The following TCF12 variants were observed in gnomAD, a reference collection of about 807,000 sequenced individuals.
TCF12 encodes transcription factor 12, also known as DNA-binding protein HTF4.
TCF12 carries 45 observed loss-of-function variants against 86.0 expected under a neutral mutation model. That is an observed-to-expected ratio of 0.52 (90% confidence interval 0.41 to 0.67). The LOEUF is 0.67. Ranked by LOEUF, TCF12 falls within the 30% of genes least tolerant of loss-of-function variation. The probability of loss-of-function intolerance (pLI) is 0.00; values close to 1 mark genes in which losing one functional copy is unlikely to be tolerated. For synonymous variants in TCF12, 330 were observed against 299.6 expected, an observed-to-expected ratio of 1.10 and a Z score of -1.05; for missense variants, 881 against 859.9, an observed-to-expected ratio of 1.02 and a Z score of -0.31.
chr15:57,028,624 C>T (rs2065963422), intron 3 of TCF12, among the ~76,000 whole-genome samples: 1 of 152,116 alleles, frequency 6.6e-6, no homozygotes, highest in Non-Finnish European at 1.5e-5. Context: ...ATATTTTCTC[C>T]TAGCCTTTTC....
At chr15:56,971,704 T>G (rs1248979124) in intron 3 of TCF12, among the ~76,000 whole-genome samples, 1 of 152,210 alleles carries the variant, frequency 6.6e-6, no homozygotes, top group Non-Finnish European at 1.5e-5. Context: ...GCACACAATT[T>G]AAAACATATG....
chr15:57,241,248 C>T (rs572686806), intron 12 of TCF12, among the ~76,000 whole-genome samples: 19 of 152,196 alleles, frequency 1.2e-4, no homozygotes, highest in Admixed American at 2.6e-4. Flanking sequence ...TCGCCCACCA[C>T]GCCCGACTAA....
At chr15:57,095,824 G>C (rs1169623251) in intron 5 of TCF12, among the ~76,000 whole-genome samples, 2 of 152,008 alleles carry the variant, frequency 1.3e-5, no homozygotes, top group Admixed American at 6.6e-5. Context: ...TACAGCTCTA[G>C]AATTTTACAA....
intron 8 of TCF12, among the ~76,000 whole-genome samples, chr15:57,223,659 T>TG (rs2058726077): frequency 1.4e-5 from 2 of 144,508 alleles, no homozygotes; most frequent in African/African-American, 5.0e-5. Context: ...TTTTTTTTTT[T>TG]TTTTTTTTTT....
intron 3 of TCF12, among the ~76,000 whole-genome samples, chr15:57,019,160 A>G (rs2065327544): frequency 6.6e-6 from 1 of 152,244 alleles, no homozygotes; most frequent in Admixed American, 6.5e-5. Context: ...AGCACTGGCT[A>G]AAGTGCAACT....
intron 3 of TCF12, among the ~76,000 whole-genome samples, chr15:57,036,581 G>A (rs1411767080): frequency 2.6e-5 from 4 of 152,018 alleles, no homozygotes; most frequent in Admixed American, 1.3e-4. Flanking sequence ...GTTTTGATTT[G>A]CATTTCCTTA....
intron 5 of TCF12, among the ~76,000 whole-genome samples, chr15:57,103,960 A>C (rs749074657): frequency 1.3e-5 from 2 of 152,176 alleles, no homozygotes; most frequent in Non-Finnish European, 2.9e-5. Context: ...GTGAACCAAA[A>C]TCACGCCACT....
In TCF12 at chr15:57,199,000, C is replaced by T. The variant is rs1368732292; in HGVS notation, c.579+1175C>T. Among the ~76,000 whole-genome samples, 5 of 152,156 alleles carry T rather than the reference C, an allele frequency of 3.3e-5. No individual in the cohort carries two copies. In the East Asian group the frequency reaches 9.6e-4, roughly 29 times the overall value. On this transcript the variant is annotated intron_variant, in intron 8 of 20. Transcript: ENST00000333725. ...TGAAAAGTCGAATTTGAAATCCTCT[C>T]TGTAACTCAGTTCCAGATGGATCTG...
chr15:57,147,690 GGTTCA>G (rs1411651502), intron 5 of TCF12, among the ~76,000 whole-genome samples: 2 of 152,038 alleles, frequency 1.3e-5, no homozygotes. Context: ...AGGAGTTTTG[GGTTCA>G]GTTATCACAT....
chr15:56,955,487 C>G (rs1292693530), intron 3 of TCF12, among the ~76,000 whole-genome samples: 1 of 152,066 alleles, frequency 6.6e-6, no homozygotes, highest in Non-Finnish European at 1.5e-5. Context: ...ACCAACATGA[C>G]ACATGTATAC....
intron 3 of TCF12, among the ~76,000 whole-genome samples, chr15:56,977,208 T>C (rs1203932470): frequency 6.6e-5 from 10 of 152,032 alleles, no homozygotes; most frequent in African/African-American, 2.4e-4. Flanking sequence ...TGGCAGGACA[T>C]ATGGGGGAAA....
chr15:56,995,259 T>TTTTTTTTTTTTG (rs2063651464), intron 3 of TCF12, among the ~76,000 whole-genome samples: 1 of 138,844 alleles, frequency 7.2e-6, no homozygotes, highest in Non-Finnish European at 1.6e-5. Context: ...TTTTTTTTTT[T>TTTTTTTTTTTTG]GCTTAGGATT....
intron 3 of TCF12, among the ~76,000 whole-genome samples, chr15:57,040,517 C>G (rs1173105543): frequency 6.6e-6 from 1 of 152,178 alleles, no homozygotes; most frequent in Non-Finnish European, 1.5e-5. Context: ...AGTTTACTGC[C>G]TTTCCTTTCC....
At chr15:57,161,471 T>A (rs1842295731) in intron 5 of TCF12, among the ~76,000 whole-genome samples, 1 of 152,230 alleles carries the variant, frequency 6.6e-6, no homozygotes, top group African/African-American at 2.4e-5. Context: ...ATGTAGTTAA[T>A]GTAAACCATG....
intron 8 of TCF12, among the ~76,000 whole-genome samples, chr15:57,222,757 CATTT>C (rs2058659681): frequency 1.3e-5 from 1 of 75,442 alleles, no homozygotes; most frequent in Admixed American, 1.7e-4. Flanking sequence ...AAAGGACTGC[CATTT>C]TTTTTTTTTT....
chr15:57,100,418 T>G (rs1567421572), intron 5 of TCF12, among the ~76,000 whole-genome samples: 1 of 150,042 alleles, frequency 6.7e-6, no homozygotes, highest in East Asian at 1.9e-4. Context: ...TCGGATTCAC[T>G]TCCTCTTTTT....
intron 6 of TCF12, among the ~76,000 whole-genome samples, chr15:57,173,758 A>C (rs575813402): frequency 1.7e-4 from 26 of 150,122 alleles, no homozygotes; most frequent in African/African-American, 5.9e-4. Context: ...CCCATGCTGG[A>C]GTGAAGTGGT....
At chr15:57,064,434 C>T (rs2141734188) in intron 4 of TCF12, among the ~76,000 whole-genome samples, 1 of 152,208 alleles carries the variant, frequency 6.6e-6, no homozygotes, top group South Asian at 2.1e-4. Flanking sequence ...AAAATTAGAT[C>T]AAAGAATTGG....
intron 8 of TCF12, among the ~76,000 whole-genome samples, chr15:57,219,819 G>A (rs1393485585): frequency 6.1e-5 from 9 of 147,930 alleles, no homozygotes; most frequent in East Asian, 2.0e-4. Context: ...TTCGCCTCCC[G>A]GGTTCAAGCG....
Sources: gnomAD v4.1 joint callset for allele counts (sites outside exome capture counted in the v4.1 genomes callset) on GRCh38, gnomAD v4.1.1 for gene constraint, MANE v1.5 for transcripts, NCBI Gene and HGNC (gene_info 2026-07-23, HGNC 2026-07-21) for gene names.